Variants in UBAP1L observed in about 807,000 individuals in gnomAD.
The protein encoded by UBAP1L is ubiquitin-associated protein 1-like.
Under a neutral mutation model 32.1 loss-of-function variants are expected in UBAP1L, and 32 were observed. The ratio of observed to expected loss-of-function variants is 1.00; its 90% CI spans 0.75 to 1.34. UBAP1L has a LOEUF of 1.34. Among genes scored for constraint, UBAP1L ranks in the 40% most tolerant of loss-of-function variants. The pLI is 0.00. For synonymous variants in UBAP1L, 243 were observed against 250.2 expected (o/e 0.97, Z 0.27); for missense variants, 516 against 540.5 (o/e 0.95, Z 0.45).
intron 1 of UBAP1L, among the ~76,000 whole-genome samples, chr15:65,114,814 A>C (rs2087392497): frequency 6.6e-6 from 1 of 152,244 alleles, no homozygotes; most frequent in Non-Finnish European, 1.5e-5. Context: ...AGAGACCTTA[A>C]TCTTTGCTTT....
chr15:65,111,366 C>T (rs919134899), intron 1 of UBAP1L, among the ~76,000 whole-genome samples: 4 of 152,216 alleles, frequency 2.6e-5, no homozygotes, highest in Non-Finnish European at 5.9e-5. Context: ...TATCTGTCCA[C>T]TTAGCAGGTA....
intron 2 of UBAP1L, 100 bp downstream of exon 2, chr15:65,105,996 T>C (rs755664588): frequency 1.8e-4 from 268 of 1,500,332 alleles, no homozygotes; most frequent in Non-Finnish European, 2.2e-4. Context: ...TTCACCATGT[T>C]GGCCAGGGCT....
rs2087260003 is a variant in UBAP1L at position 65,102,735 on chromosome 15, C to A, written c.121-51G>T. ...CCAGGGCAAACCAGGACCCCGGGGGCACAACACTAACCCCTGGCCTGGGGG... is the reference window on the plus strand; with the variant it reads ...CCAGGGCAAACCAGGACCCCGGGGGAACAACACTAACCCCTGGCCTGGGGG... On this transcript the variant is annotated intron_variant, in intron 2 of 5. Transcript: ENST00000559089. The surrounding 1 kb of genome is among the most constrained non-coding windows in gnomAD (Gnocchi z 5.0). 2.7e-6 allele frequency: 4 copies of A among 1,497,262 alleles called. No homozygotes were observed. The highest frequency in any genetic ancestry group is 2.0e-5 in the Admixed American group (1 of 49,982). The allele number at this position is 1,497,262 out of a possible 1,614,324, so 92.7% of individuals were successfully genotyped here.
Position 65,094,695 on chromosome 15 carries a change from C to T in UBAP1L, c.910-119G>A. 1 of 754,806 alleles carries T rather than the reference C, an allele frequency of 1.3e-6. No homozygotes were observed. Among genetic ancestry groups the T allele is most frequent in the South Asian group, 1.5e-5 (1 of 67,020 alleles). 46.8% of individuals were successfully genotyped at this position (754,806 alleles called of 1,614,324 possible). A position where few individuals can be genotyped will look rare whatever the true frequency, so the allele number is the denominator to read the frequency against. ...GGCCAGGCAACAGGGCAAGCCACCA[C>T]CTGCAGCGTGGCCCCAGAGAGCCCG... On this transcript the variant is annotated intron_variant, in intron 4 of 5. Coordinates refer to ENST00000559089, the MANE Select transcript of UBAP1L (RefSeq NM_001163692.2). This position sits in a 1 kb window ranked among gnomAD's most constrained non-coding sequence, Gnocchi z 4.2.
chr15:65,097,425 G>A (rs2087187983), intron 4 of UBAP1L: 1 of 152,274 alleles, frequency 6.6e-6, no homozygotes, highest in Non-Finnish European at 1.5e-5. Flanking sequence ...TCTCAGATCA[G>A]CCTGTGGTGC....
Position 65,102,594 on chromosome 15 carries a change from C to G in UBAP1L, c.211G>C (p.Ala71Pro). The change falls in exon 3 of 6, where the codon GCG becomes CCG. Residue 71 changes from alanine to proline, a missense_variant. Coordinates refer to ENST00000559089, the MANE Select transcript of UBAP1L (RefSeq NM_001163692.2). The surrounding 1 kb of genome is among the most constrained non-coding windows in gnomAD (Gnocchi z 5.0). ...SPYQCGDPGTASAPPAWLLLV... is the reference protein window; with the variant it reads ...SPYQCGDPGTPSAPPAWLLLV... The stretch of plus-strand genomic sequence containing the variant: ...AAGAGCCAGGCTGGAGGGGCTGACG[C>G]TGTCCCCGGGTCACCGCACTGGTAC... 2 of 1,548,156 alleles carry G rather than the reference C, an allele frequency of 1.3e-6. No individual in the cohort carries two copies. Among genetic ancestry groups the G allele is most frequent in the South Asian group, 2.4e-5 (2 of 83,974 alleles).
intron 4 of UBAP1L, chr15:65,098,920 C>T (rs562014862): frequency 6.6e-6 from 1 of 152,310 alleles, no homozygotes; most frequent in Non-Finnish European, 1.5e-5. Context: ...CTTCTTCTCC[C>T]AGGTATCTTG....
chr15:65,094,092 G>A lies in UBAP1L; in HGVS notation c.1011+383C>T, dbSNP rs2087147649. On this transcript the variant is annotated intron_variant, in intron 5 of 5. Transcript: ENST00000559089. This position sits in a 1 kb window ranked among gnomAD's most constrained non-coding sequence, Gnocchi z 4.2. ...TGGGCCTACAGCTGCATGCACTTGGGGTAGGCGGCACGCTCCCCAAGTAGA... is the reference window on the plus strand; with the variant it reads ...TGGGCCTACAGCTGCATGCACTTGGAGTAGGCGGCACGCTCCCCAAGTAGA... 6.6e-6 allele frequency among the ~76,000 whole-genome samples: 1 copy of A among 152,166 alleles called. No homozygotes were observed. The highest frequency in any genetic ancestry group is 1.5e-5 in the Non-Finnish European group (1 of 68,038).
At chr15:65,112,007 A>C (rs2087372486) in intron 1 of UBAP1L, among the ~76,000 whole-genome samples, 1 of 152,212 alleles carries the variant, frequency 6.6e-6, no homozygotes, top group South Asian at 2.1e-4. Context: ...GATATTGCCT[A>C]GTTAGAAAGT....
chr15:65,114,197 T>C (rs1334161956), intron 1 of UBAP1L, among the ~76,000 whole-genome samples: 1 of 152,028 alleles, frequency 6.6e-6, no homozygotes, highest in Non-Finnish European at 1.5e-5. Context: ...TTTTTTTTTT[T>C]TTAACTATGA....
chr15:65,104,306 CAGAG>C (rs531575764), intron 2 of UBAP1L, among the ~76,000 whole-genome samples: 4 of 143,946 alleles, frequency 2.8e-5, no homozygotes, highest in Non-Finnish European at 6.1e-5. Flanking sequence ...GAGAGCGAGA[CAGAG>C]AGAGAGAGAG....
At chr15:65,110,552 G>A (rs2087362267) in intron 1 of UBAP1L, among the ~76,000 whole-genome samples, 1 of 151,274 alleles carries the variant, frequency 6.6e-6, no homozygotes, top group Non-Finnish European at 1.5e-5. Flanking sequence ...GGGCATGGTG[G>A]CACGCGCCTG....
Position 65,106,338 on chromosome 15 carries a change from C to A in UBAP1L, c.-123G>T. The A allele has an allele frequency of 8.2e-7, 1 of 1,214,290 alleles. No individual in the cohort carries two copies. The highest frequency in any genetic ancestry group is 1.9e-5 in the South Asian group (1 of 54,036). The allele number at this position is 1,214,290 out of a possible 1,614,324, so 75.2% of individuals were successfully genotyped here. ...TGGCCTCACTGCTCTCCTGTGTGGT[C>A]ACTTAGCTGAGCCCCAAACAGCTGG... On this transcript the variant is annotated 5_prime_UTR_variant, in exon 2 of 6. Coordinates refer to ENST00000559089, the MANE Select transcript of UBAP1L (RefSeq NM_001163692.2).
In UBAP1L at chr15:65,092,891, C is replaced by A; in HGVS notation, c.*206G>T. The A allele has an allele frequency of 4.4e-6, 3 of 676,452 alleles. No homozygotes were observed. The highest frequency in any genetic ancestry group is 7.0e-6 in the Non-Finnish European group (3 of 426,832). The allele number at this position is 676,452 out of a possible 1,614,324, so 41.9% of individuals were successfully genotyped here. On this transcript the variant is annotated 3_prime_UTR_variant, in exon 6 of 6. Transcript: ENST00000559089. The stretch of plus-strand genomic sequence containing the variant: ...AGAACATAGCTCCCCGTCCGGCTCT[C>A]CCATCTGCCCCTCTGCAGAGGCAAC...
At chr15:65,111,445 C>A (rs1185316029) in intron 1 of UBAP1L, among the ~76,000 whole-genome samples, 4 of 152,214 alleles carry the variant, frequency 2.6e-5, no homozygotes, top group Admixed American at 2.6e-4. Context: ...CTCAGCCCTA[C>A]ACTTGCTTCT....
chr15:65,099,194 G>A, intron 4 of UBAP1L: 1 of 345,816 alleles, frequency 2.9e-6, no homozygotes, highest in African/African-American at 2.1e-5. Context: ...AGGACTTACT[G>A]CCCCAGATGC....
At chr15:65,096,519 CTGCATT>C (rs1458873708) in intron 4 of UBAP1L, 1 of 152,242 alleles carries the variant, frequency 6.6e-6, no homozygotes, top group Non-Finnish European at 1.5e-5. Flanking sequence ...CCCTGAGAGT[CTGCATT>C]TGCAAAGGTT....
chr15:65,109,254 T>C (rs1003102185), intron 1 of UBAP1L, among the ~76,000 whole-genome samples: 2 of 149,860 alleles, frequency 1.3e-5, no homozygotes, highest in Non-Finnish European at 3.0e-5. Context: ...GAGGCCGAGG[T>C]GGGCGGATCA....
In UBAP1L at chr15:65,102,172, C is replaced by T. The variant is rs2087247926; in HGVS notation, c.633G>A (p.Ala211=). The change falls in exon 3 of 6, where the codon GCG becomes GCA. Residue 211 remains alanine, a synonymous_variant. Transcript: ENST00000559089. This position sits in a 1 kb window ranked among gnomAD's most constrained non-coding sequence, Gnocchi z 5.0. ...CTGCCGTGGAGGGCCGCGGGGGCGA[C>T]GCGGGGGCGGCGGGGTGCTGGGGCG... ...GPAPQHPAAP[A]SPPRPSTAGA... 3.3e-6 allele frequency: 4 copies of T among 1,194,402 alleles called. No individual in the cohort carries two copies. The East Asian group carries it at 1.4e-4, about 42-fold the overall frequency. The allele number at this position is 1,194,402 out of a possible 1,614,324, so 74.0% of individuals were successfully genotyped here. A position where few individuals can be genotyped will look rare whatever the true frequency, so the allele number is the denominator to read the frequency against.
Sources: allele counts gnomAD v4.1 joint callset (sites outside exome capture counted in the v4.1 genomes callset), GRCh38; gene constraint gnomAD v4.1.1; non-coding constraint Gnocchi (gnomAD v3.1); transcripts MANE v1.5; gene names NCBI Gene and HGNC (gene_info 2026-07-23, HGNC 2026-07-21).